SIL1: variants seen among roughly 807,000 people sequenced by gnomAD.
The protein encoded by SIL1 is SIL1 nucleotide exchange factor.
SIL1 carries 40 observed loss-of-function variants against 49.1 expected under a neutral mutation model. That is an observed-to-expected ratio of 0.81 (90% confidence interval 0.63 to 1.06). The LOEUF (loss-of-function observed/expected upper bound fraction) is 1.06. Among genes scored for constraint, SIL1 ranks in the 50% least tolerant of loss-of-function variants. The pLI is 0.00. For synonymous variants in SIL1, 253 were observed against 250.8 expected (o/e 1.01, Z -0.08); for missense variants, 500 against 572.6 (o/e 0.87, Z 1.29).
chr5:139,039,562 C>G (rs1768993662), intron 5 of SIL1, among the ~76,000 whole-genome samples: 1 of 152,058 alleles, frequency 6.6e-6, no homozygotes, highest in Admixed American at 6.6e-5. Flanking sequence ...ATATAGAGGA[C>G]AAAAAGAAAA....
rs760154020 is a variant in SIL1 at position 138,951,269 on chromosome 5, C to A, written c.931G>T (p.Gly311Trp). Residue 311 changes from glycine to tryptophan, a missense_variant, in exon 9 of 10, where the codon GGG becomes TGG. Transcript: ENST00000394817. Reference sequence around the variant, plus strand: ...AGGGTCCTCAGGACCTGCAGCCCCCCGAGCTTCAGGAACTGCCGCTGGGCA... The same window carrying A: ...AGGGTCCTCAGGACCTGCAGCCCCCAGAGCTTCAGGAACTGCCGCTGGGCA... ...PYAQRQFLKL[G>W]GLQVLRTLVQ... The A allele has an allele frequency of 1.9e-6, 3 of 1,583,822 alleles. No individual in the cohort carries two copies. Among genetic ancestry groups the A allele is most frequent in the East Asian group, 4.6e-5 (2 of 43,322 alleles).
chr5:138,997,461 C>G (rs1347806631), intron 7 of SIL1, among the ~76,000 whole-genome samples: 1 of 152,090 alleles, frequency 6.6e-6, no homozygotes, highest in Non-Finnish European at 1.5e-5. Flanking sequence ...GGATTTACAC[C>G]TGGGTTCTGG....
intron 7 of SIL1, among the ~76,000 whole-genome samples, chr5:138,974,506 A>C (rs1318747438): frequency 6.6e-6 from 1 of 152,216 alleles, no homozygotes; most frequent in South Asian, 2.1e-4. Flanking sequence ...GAGGAGAATA[A>C]TCCACTCAGC....
chr5:139,128,440 G>A (rs566698258), intron 1 of SIL1, among the ~76,000 whole-genome samples: 12 of 152,054 alleles, frequency 7.9e-5, no homozygotes, highest in East Asian at 1.9e-4. Flanking sequence ...AGAAGTTCAC[G>A]ACCAGCCTGA....
chr5:139,155,443 C>CAGAGGGAGAGAGAGAGAGAGAG (rs1554136147), intron 1 of SIL1: 1 of 68,094 alleles, frequency 1.5e-5, no homozygotes, highest in Non-Finnish European at 4.4e-5. Context: ...CACACGTACA[C>CAGAGGGAGAGAGAGAGAGAGAG]AGAGTGAGAG....
At position 139,079,438 on chromosome 5, in the gene SIL1, C is replaced by G. The variant is rs115766999; in HGVS notation, c.245-28392G>C. 3.1e-3 allele frequency among the ~76,000 whole-genome samples: 466 copies of G among 152,328 alleles called. 2 individuals are homozygous for G. The highest frequency in any genetic ancestry group is 0.011 in the African/African-American group (451 of 41,568). ...CTCTCTCCATAGCTAATTGTTATAGCAGATACCCAACTCCCTGAAACAAAA... is the reference window on the plus strand; with the variant it reads ...CTCTCTCCATAGCTAATTGTTATAGGAGATACCCAACTCCCTGAAACAAAA... On this transcript the variant is annotated intron_variant, in intron 3 of 9. Coordinates refer to ENST00000394817, the MANE Select transcript of SIL1 (RefSeq NM_022464.5).
intron 3 of SIL1, among the ~76,000 whole-genome samples, chr5:139,066,158 G>A (rs1054769032): frequency 6.6e-6 from 1 of 152,104 alleles, no homozygotes; most frequent in Non-Finnish European, 1.5e-5. Flanking sequence ...CAAGCCTTCA[G>A]TGGCTCCCTG....
At position 139,042,699 on chromosome 5, in the gene SIL1, G is replaced by C. The variant is rs1179205265; in HGVS notation, c.374C>G (p.Thr125Ser). The C allele has an allele frequency of 6.2e-7, 1 of 1,613,982 alleles. No individual in the cohort carries two copies. The highest frequency in any genetic ancestry group is 8.5e-7 in the Non-Finnish European group (1 of 1,179,980). ...ACTCTTGAGATCCTGAGATGTGTAG[G>C]TGTTGGTGTTGATATCCAGCCTGTC... ...KGKRLDINTN[T>S]YTSQDLKSAL... Residue 125 changes from threonine (T) to serine (S), a missense_variant, in exon 5 of 10, where the codon ACC becomes AGC. Coordinates refer to ENST00000394817, the MANE Select transcript of SIL1 (RefSeq NM_022464.5).
chr5:139,135,630 G>A (rs1470784471), intron 1 of SIL1, among the ~76,000 whole-genome samples: 1 of 150,472 alleles, frequency 6.6e-6, no homozygotes, highest in African/African-American at 2.4e-5. Flanking sequence ...TGTACTCCCA[G>A]AGGTGGAACA....
chr5:138,993,167 A>AT (rs1767793098), intron 7 of SIL1, among the ~76,000 whole-genome samples: 1 of 152,176 alleles, frequency 6.6e-6, no homozygotes. Context: ...AGCTTCTGGG[A>AT]TCCCCTTAAG....
intron 7 of SIL1, among the ~76,000 whole-genome samples, chr5:138,955,646 G>A (rs868023706): frequency 4.6e-5 from 7 of 152,230 alleles, no homozygotes; most frequent in African/African-American, 7.2e-5. Flanking sequence ...CACACACCCC[G>A]GGGCTGACTT....
chr5:139,001,222 G>T (rs1037707865), intron 7 of SIL1, among the ~76,000 whole-genome samples: 1 of 152,068 alleles, frequency 6.6e-6, no homozygotes, highest in Admixed American at 6.6e-5. Context: ...GGAGAAATAG[G>T]AACCATCAAA....
intron 7 of SIL1, 29 bp from the exon 8 acceptor site, chr5:138,951,913 T>A: frequency 6.3e-7 from 1 of 1,581,472 alleles, no homozygotes; most frequent in Non-Finnish European, 8.7e-7. Context: ...ACAGCATGAC[T>A]ACCCTGCCCA....
intron 2 of SIL1, among the ~76,000 whole-genome samples, chr5:139,126,671 G>A (rs187436985): frequency 6.6e-6 from 1 of 152,162 alleles, no homozygotes; most frequent in Non-Finnish European, 1.5e-5. Context: ...AACTCAAAAG[G>A]ACTCGTGACT....
chr5:138,951,451 T>C, intron 8 of SIL1, 116 bp from the exon 9 acceptor site: 3 of 1,081,854 alleles, frequency 2.8e-6, no homozygotes, highest in Non-Finnish European at 4.0e-6. Context: ...CGGCCCCACC[T>C]CAGTTACAGC....
intron 3 of SIL1, among the ~76,000 whole-genome samples, chr5:139,084,852 T>G (rs1770177308): frequency 6.6e-6 from 1 of 152,172 alleles, no homozygotes; most frequent in Non-Finnish European, 1.5e-5. Context: ...ACACTGTAAT[T>G]CCCATAATCA....
chr5:139,112,624 G>C (rs1770885482), intron 3 of SIL1, among the ~76,000 whole-genome samples: 2 of 149,228 alleles, frequency 1.3e-5, no homozygotes, highest in South Asian at 4.2e-4. Context: ...AACCCCTCCG[G>C]GAGGGAGGTG....
intron 3 of SIL1, among the ~76,000 whole-genome samples, chr5:139,116,318 T>C (rs1483077402): frequency 6.6e-6 from 1 of 152,198 alleles, no homozygotes; most frequent in Non-Finnish European, 1.5e-5. Flanking sequence ...TTCTTTTTCT[T>C]TTTTTTCCCC....
intron 7 of SIL1, among the ~76,000 whole-genome samples, chr5:138,970,894 G>A (rs1223295374): frequency 6.6e-6 from 1 of 151,750 alleles, no homozygotes; most frequent in Non-Finnish European, 1.5e-5. Flanking sequence ...CTCCAGCCTG[G>A]GCAACAAAGA....
Sources: allele counts gnomAD v4.1 joint callset (sites outside exome capture counted in the v4.1 genomes callset), GRCh38; gene constraint gnomAD v4.1.1; transcripts MANE v1.5; gene names NCBI Gene and HGNC (gene_info 2026-07-23, HGNC 2026-07-21).